The following CCDC187 variants were observed in gnomAD, a reference collection of about 807,000 sequenced individuals.
The protein encoded by CCDC187 is coiled-coil domain containing 187, also known as coiled-coil domain-containing protein 187.
A neutral mutation model predicts 38.0 loss-of-function variants in CCDC187; 32 were observed. That is an observed-to-expected ratio of 0.84 (90% CI 0.64 to 1.13). The LOEUF is 1.13. Among genes scored for constraint, CCDC187 ranks in the 50% most tolerant of loss-of-function variants. The pLI, the probability that CCDC187 is intolerant of heterozygous loss-of-function variation, is 0.00. For missense variants in CCDC187, 707 were observed against 786.8 expected, an observed-to-expected ratio of 0.90 and a Z score of 1.21; for synonymous variants, 333 against 347.9, an observed-to-expected ratio of 0.96 and a Z score of 0.48.
intron 10 of CCDC187, among the ~76,000 whole-genome samples, chr9:136,278,132 GT>G (rs1830969057): frequency 6.6e-6 from 1 of 152,264 alleles, no homozygotes. Context: ...TCAGGTGTCT[GT>G]TCTGAGCTGA....
At chr9:136,293,822 ACT>A (rs1831448890) in intron 4 of CCDC187, among the ~76,000 whole-genome samples, 1 of 150,518 alleles carries the variant, frequency 6.6e-6, no homozygotes, top group South Asian at 2.1e-4. Flanking sequence ...ATGCTCTCAC[ACT>A]CACACTACCA....
chr9:136,296,485 A>G (rs879034516), intron 4 of CCDC187: 57,227 of 151,544 alleles, frequency 0.38, 11,355 homozygotes, highest in East Asian at 0.64. Context: ...GCCTCTGTGC[A>G]GCCCCGGGCA....
At chr9:136,306,819 T>A (rs1831809903), upstream of CCDC187, 5 of 152,228 alleles carry the variant, frequency 3.3e-5, no homozygotes, top group Admixed American at 3.3e-4. Flanking sequence ...CACCTCCCCT[T>A]CCCAGCAACG....
chr9:136,270,174 G>A (rs1012751558), intron 14 of CCDC187, among the ~76,000 whole-genome samples: 2 of 152,320 alleles, frequency 1.3e-5, no homozygotes, highest in Non-Finnish European at 2.9e-5. Context: ...CCCCATGTGC[G>A]GAGATGAGAG....
intron 3 of CCDC187, 141 bp from the exon 4 acceptor site, chr9:136,297,962 G>T (rs1588675086): frequency 2.5e-6 from 1 of 393,774 alleles, no homozygotes; most frequent in Non-Finnish European, 4.5e-6. Flanking sequence ...CTCCCTGCTT[G>T]GCGAGAGCCA....
Position 136,293,237 on chromosome 9 carries a change from TCA to T in CCDC187, c.833-944_833-943del, listed in dbSNP as rs1472684219. Among the ~76,000 whole-genome samples the T allele has an allele frequency of 7.5e-5, 9 of 119,738 alleles. No homozygotes were observed. The East Asian group carries it at 1.4e-3, about 18-fold the overall frequency. The allele number at this position is 119,738 out of a possible 152,430, so 78.6% of individuals were successfully genotyped here. A position where few individuals can be genotyped will look rare whatever the true frequency, so the allele number is the denominator to read the frequency against. On this transcript the variant is annotated intron_variant, in intron 4 of 25. Coordinates refer to ENST00000638797, the MANE Select transcript of CCDC187 (RefSeq NM_001378188.1). ...TGCTCACACACTCACACTCACACGCTCACACTCACATGCTTACACACTCACTC... is the reference window on the plus strand; with the variant it reads ...TGCTCACACACTCACACTCACACGCTCACTCACATGCTTACACACTCACTC...
chr9:136,270,873 A>C (rs944630071), intron 14 of CCDC187, among the ~76,000 whole-genome samples: 11 of 152,282 alleles, frequency 7.2e-5, no homozygotes, highest in African/African-American at 2.6e-4. Flanking sequence ...CTGATGCTAT[A>C]CCCACCGGTT....
Position 136,250,813 on chromosome 9 carries a change from G to A in CCDC187, c.*2781C>T, listed in dbSNP as rs1554759232. On this transcript the variant is annotated 3_prime_UTR_variant, in exon 26 of 26. Transcript: ENST00000638797. Reference sequence around the variant, plus strand: ...CATTGTTAACGGCACCTGGGGCTAAGCAGCCGCCCCGGGGCTGGAGAAGGC... The same window carrying A: ...CATTGTTAACGGCACCTGGGGCTAAACAGCCGCCCCGGGGCTGGAGAAGGC... 1 of 456,312 alleles carries A rather than the reference G, an allele frequency of 2.2e-6. No homozygotes were observed. The highest frequency in any genetic ancestry group is 2.3e-5 in the Admixed American group (1 of 42,590). 28.3% of individuals were successfully genotyped at this position (456,312 alleles called of 1,614,324 possible).
intron 14 of CCDC187, among the ~76,000 whole-genome samples, chr9:136,273,480 AG>A (rs1830874874): frequency 6.6e-6 from 1 of 152,028 alleles, no homozygotes; most frequent in African/African-American, 2.4e-5. Context: ...AATGATCCCG[AG>A]TGTTTATGGG....
rs1294147347 is a variant in CCDC187, at chr9:136,250,707, G to A, written c.*2887C>T. 6 of 456,012 alleles carry A rather than the reference G, an allele frequency of 1.3e-5. No individual in the cohort carries two copies. Among genetic ancestry groups the A allele is most frequent in the African/African-American group, 8.0e-5 (4 of 50,086 alleles). 28.2% of individuals were successfully genotyped at this position (456,012 alleles called of 1,614,324 possible). ...TCTGCATTCTCAGGTGGGCTGGGCAGGAGCTGGTGCAAAATCAGATGCATG... is the reference window on the plus strand; with the variant it reads ...TCTGCATTCTCAGGTGGGCTGGGCAAGAGCTGGTGCAAAATCAGATGCATG... On this transcript the variant is annotated 3_prime_UTR_variant, in exon 26 of 26. Coordinates refer to ENST00000638797, the MANE Select transcript of CCDC187 (RefSeq NM_001378188.1).
Position 136,289,993 on chromosome 9 carries a change from C to T in CCDC187, c.2188G>A (p.Gly730Ser), listed in dbSNP as rs1431945324. 1.3e-5 allele frequency: 5 copies of T among 398,422 alleles called. No individual in the cohort carries two copies. Among genetic ancestry groups the T allele is most frequent in the African/African-American group, 8.2e-5 (4 of 48,596 alleles). 24.7% of individuals were successfully genotyped at this position (398,422 alleles called of 1,614,324 possible). Residue 730 changes from glycine to serine, a missense_variant, in exon 7 of 26, where the codon GGC becomes AGC. Coordinates refer to ENST00000638797, the MANE Select transcript of CCDC187 (RefSeq NM_001378188.1). ...GCTTCCTGGCCCCCCAGCACCATGC[C>T]AGAGGTCACTTTGCTCCATTCCAGC... Reference protein sequence around the residue: ...PVLEWSKVTSGMVLGGQEAPG... With the variant: ...PVLEWSKVTSSMVLGGQEAPG...
At position 136,253,448 on chromosome 9, in the gene CCDC187, G is replaced by T; in HGVS notation, c.*146C>A. The T allele has an allele frequency of 3.9e-6, 1 of 255,704 alleles. No homozygotes were observed. Among genetic ancestry groups the T allele is most frequent in the Non-Finnish European group, 6.1e-6 (1 of 162,724 alleles). 15.8% of individuals were successfully genotyped at this position (255,704 alleles called of 1,614,324 possible). The stretch of plus-strand genomic sequence containing the variant: ...TGGGAGCCCTCCAGGGGCACTGCCT[G>T]ACCCCTCACACGACGAGTGCCCTGG... On this transcript the variant is annotated 3_prime_UTR_variant, in exon 26 of 26. Coordinates refer to ENST00000638797, the MANE Select transcript of CCDC187 (RefSeq NM_001378188.1).
intron 4 of CCDC187, among the ~76,000 whole-genome samples, chr9:136,295,196 G>A (rs914705546): frequency 0.086 from 13,034 of 152,252 alleles, 643 homozygotes; most frequent in East Asian, 0.18. Flanking sequence ...GGGGAGCCCC[G>A]GTGGGGTTTC....
rs548671284 is a variant in CCDC187, at chr9:136,254,206, G to A, written c.5622C>T (p.Phe1874=). Residue 1874 remains phenylalanine, a synonymous_variant, in exon 26 of 26, where the codon TTC becomes TTT. Coordinates refer to ENST00000638797, the MANE Select transcript of CCDC187 (RefSeq NM_001378188.1). Reference sequence around the variant, plus strand: ...CACCGGCAGAAGAGATTTGCAGCGGGAACACCACACCGGCGGCCTCAGGGG... The same window carrying A: ...CACCGGCAGAAGAGATTTGCAGCGGAAACACCACACCGGCGGCCTCAGGGG... ...QAPPEAAGVV[F]PLQISSAGDS... is the part of the protein sequence containing the mutation. The A allele has an allele frequency of 1.9e-5, 19 of 985,512 alleles. No individual in the cohort carries two copies. The South Asian group carries it at 8.0e-4, about 41-fold the overall frequency. 61.0% of individuals were successfully genotyped at this position (985,512 alleles called of 1,614,324 possible). A position where few individuals can be genotyped will look rare whatever the true frequency, so the allele number is the denominator to read the frequency against.
At position 136,297,264 on chromosome 9, in the gene CCDC187, G is replaced by A. The variant is rs996403461; in HGVS notation, c.832+450C>T. On this transcript the variant is annotated intron_variant, in intron 4 of 25. Coordinates refer to ENST00000638797, the MANE Select transcript of CCDC187 (RefSeq NM_001378188.1). ...GGGTGCCATGGGGTGTAGGTGCCCT[G>A]AGCTACGGGTGCCGTGAGCTGCGGG... Among the ~76,000 whole-genome samples the A allele has an allele frequency of 4.6e-5, 7 of 151,284 alleles. No homozygotes were observed. The East Asian group carries it at 9.7e-4, about 21-fold the overall frequency.
intron 9 of CCDC187, among the ~76,000 whole-genome samples, chr9:136,284,990 T>A (rs1021470064): frequency 2.5e-3 from 376 of 151,904 alleles, no homozygotes; most frequent in African/African-American, 8.6e-3. Flanking sequence ...GGGAGGGAGT[T>A]GGGCTGAGAG....
chr9:136,255,320 C>A (rs2131104762), intron 25 of CCDC187, among the ~76,000 whole-genome samples, 186 bp from the exon 26 acceptor site: 1 of 152,304 alleles, frequency 6.6e-6, no homozygotes, highest in South Asian at 2.1e-4. Context: ...CCCACCCCCA[C>A]CCACACGCAA....
chr9:136,258,896 C>T lies in CCDC187; in HGVS notation c.4366+36G>A. On this transcript the variant is annotated intron_variant, in intron 22 of 25. Transcript: ENST00000638797. This position sits in a 1 kb window ranked among gnomAD's most constrained non-coding sequence, Gnocchi z 4.3. ...CTGGATGTGGGGGAAGTGTCTGGCG[C>T]CGTGGAGGCCCACGCGGTGTTTCCA... is the stretch of plus-strand genomic sequence containing the variant. 1 of 985,522 alleles carries T rather than the reference C, an allele frequency of 1.0e-6. No homozygotes were observed. The highest frequency in any genetic ancestry group is 1.2e-6 in the Non-Finnish European group (1 of 830,032). The allele number at this position is 985,522 out of a possible 1,614,324, so 61.0% of individuals were successfully genotyped here.
Position 136,302,960 on chromosome 9 carries a change from G to T in CCDC187, c.477C>A (p.Ile159=), listed in dbSNP as rs1193892749. The change falls in exon 2 of 26, where the codon ATC becomes ATA. Residue 159 remains isoleucine (I), a synonymous_variant. Transcript: ENST00000638797. ...TCCCCTGCTGCCACGCCTGGGCCCG[G>T]ATCTTGTCTCTCAGCTGCTCCAGCC... ...DARLEQLRDK[I]RAQAWQQGSC... The T allele has an allele frequency of 7.5e-6, 3 of 398,632 alleles. No homozygotes were observed. Among genetic ancestry groups the T allele is most frequent in the Non-Finnish European group, 1.3e-5 (3 of 226,176 alleles). 24.7% of individuals were successfully genotyped at this position (398,632 alleles called of 1,614,324 possible). A position where few individuals can be genotyped will look rare whatever the true frequency, so the allele number is the denominator to read the frequency against.
Sources: allele counts gnomAD v4.1 joint callset (sites outside exome capture counted in the v4.1 genomes callset), GRCh38; gene constraint gnomAD v4.1.1; non-coding constraint Gnocchi (gnomAD v3.1); transcripts MANE v1.5; gene names NCBI Gene and HGNC (gene_info 2026-07-23, HGNC 2026-07-21).